The following KCNT2 variants were observed in gnomAD, a reference collection of about 807,000 sequenced individuals.
KCNT2 encodes potassium sodium-activated channel subfamily T member 2.
KCNT2 carries 67 observed loss-of-function variants against 153.8 expected under a neutral mutation model. The ratio of observed to expected loss-of-function variants is 0.44; its 90% CI spans 0.36 to 0.53. The LOEUF (loss-of-function observed/expected upper bound fraction) is 0.53, where lower values mean the gene tolerates loss of function less well. Ranked by LOEUF, KCNT2 falls within the 20% of genes least tolerant of loss-of-function variation. KCNT2 has a pLI of 0.00. For missense variants in KCNT2, 975 were observed against 1,354.8 expected, an observed-to-expected ratio of 0.72 and a Z score of 4.40; for synonymous variants, 500 against 458.8, an observed-to-expected ratio of 1.09 and a Z score of -1.15.
At chr1:196,423,564 T>G (rs187013935) in intron 11 of KCNT2, among the ~76,000 whole-genome samples, 1 of 151,760 alleles carries the variant, frequency 6.6e-6, no homozygotes, top group Non-Finnish European at 1.5e-5. Flanking sequence ...TTCATCATCT[T>G]TTTCCAAGCC....
chr1:196,434,555 ACT>A (rs1674449064), intron 8 of KCNT2, among the ~76,000 whole-genome samples: 1 of 151,988 alleles, frequency 6.6e-6, no homozygotes, highest in Non-Finnish European at 1.5e-5. Context: ...CGGGATTCTC[ACT>A]GTTTAAAGAA....
intron 1 of KCNT2, among the ~76,000 whole-genome samples, chr1:196,531,498 T>C (rs767525304): frequency 2.0e-5 from 3 of 152,088 alleles, no homozygotes; most frequent in Non-Finnish European, 4.4e-5. Context: ...CTATTATTAA[T>C]GAGAATAAAA....
chr1:196,282,270 T>TA lies in KCNT2; in HGVS notation c.2781+2dup. The TA allele has an allele frequency of 6.5e-7, 1 of 1,537,082 alleles. No individual in the cohort carries two copies. The highest frequency in any genetic ancestry group is 9.0e-7 in the Non-Finnish European group (1 of 1,111,620). ...TCTTTTATTCTAGAGATTATTAACT[T>TA]ACAGAACAAAGAAACCCAGATCCTG... On this transcript the variant is annotated splice_region_variant and intron_variant, in intron 24 of 27. Transcript: ENST00000294725.
At chr1:196,314,585 T>G (rs1662521024) in intron 21 of KCNT2, among the ~76,000 whole-genome samples, 1 of 150,590 alleles carries the variant, frequency 6.6e-6, no homozygotes, top group Non-Finnish European at 1.5e-5. Context: ...GTGTAGATTT[T>G]CCAGGTGCTA....
intron 14 of KCNT2, among the ~76,000 whole-genome samples, chr1:196,360,993 G>A (rs1667570585): frequency 6.6e-6 from 1 of 152,034 alleles, no homozygotes; most frequent in Admixed American, 6.6e-5. Context: ...ACAGAGGAAA[G>A]AAAGGGAATG....
At chr1:196,533,809 A>T (rs965980666) in intron 1 of KCNT2, among the ~76,000 whole-genome samples, 8 of 152,052 alleles carry the variant, frequency 5.3e-5, no homozygotes, top group African/African-American at 1.4e-4. Flanking sequence ...AAATAAATTT[A>T]AAAAAAATAA....
intron 8 of KCNT2, among the ~76,000 whole-genome samples, chr1:196,459,965 A>G (rs1677005490): frequency 6.6e-6 from 1 of 151,826 alleles, no homozygotes; most frequent in South Asian, 2.1e-4. Context: ...TTCTTTTCTC[A>G]AAAGCCAGTG....
chr1:196,293,156 T>C (rs149402988), intron 22 of KCNT2, among the ~76,000 whole-genome samples: 1 of 152,278 alleles, frequency 6.6e-6, no homozygotes, highest in African/African-American at 2.4e-5. Flanking sequence ...ATTGTGGTCA[T>C]AAACTGGAAG....
At chr1:196,569,911 G>C (rs574422832) in intron 1 of KCNT2, among the ~76,000 whole-genome samples, 12 of 151,930 alleles carry the variant, frequency 7.9e-5, no homozygotes, top group Non-Finnish European at 1.5e-4. Context: ...TTATGAGGTA[G>C]ATAAACAACT....
At chr1:196,453,690 G>T (rs1422075566) in intron 8 of KCNT2, among the ~76,000 whole-genome samples, 1 of 151,838 alleles carries the variant, frequency 6.6e-6, no homozygotes, top group Non-Finnish European at 1.5e-5. Flanking sequence ...TAATTCACGT[G>T]TCACCACAAA....
intron 25 of KCNT2, among the ~76,000 whole-genome samples, chr1:196,273,844 A>C (rs1231745407): frequency 6.6e-6 from 1 of 151,682 alleles, no homozygotes; most frequent in African/African-American, 2.4e-5. Flanking sequence ...AGGGTAACAC[A>C]TTCCACAAAT....
intron 18 of KCNT2, among the ~76,000 whole-genome samples, chr1:196,330,639 T>G (rs535026513): frequency 6.6e-6 from 1 of 151,972 alleles, no homozygotes; most frequent in African/African-American, 2.4e-5. Context: ...AGAATTTTTA[T>G]CTTTTGGACA....
At chr1:196,572,506 T>A (rs1033946638) in intron 1 of KCNT2, among the ~76,000 whole-genome samples, 1 of 152,022 alleles carries the variant, frequency 6.6e-6, no homozygotes, top group Admixed American at 6.6e-5. Flanking sequence ...CAGAGAAGGC[T>A]AAGGAAAAAG....
chr1:196,443,630 T>A (rs1675434241), intron 8 of KCNT2, among the ~76,000 whole-genome samples: 1 of 151,578 alleles, frequency 6.6e-6, no homozygotes, highest in Non-Finnish European at 1.5e-5. Flanking sequence ...GAAGTTGCTG[T>A]TAAATGGAAA....
In KCNT2 at chr1:196,264,144, T is replaced by G. The variant is rs561659493; in HGVS notation, c.2911-5650A>C. ...ATTTCTTAATGCTTTTCCTATTGCTTTAAGCACAGAAAAATCTTATGTTTT... is the reference window on the plus strand; with the variant it reads ...ATTTCTTAATGCTTTTCCTATTGCTGTAAGCACAGAAAAATCTTATGTTTT... On this transcript the variant is annotated intron_variant, in intron 25 of 27. Transcript: ENST00000294725. Among the ~76,000 whole-genome samples the G allele has an allele frequency of 3.3e-5, 5 of 152,322 alleles. No individual in the cohort carries two copies. The South Asian group carries it at 1.0e-3, about 32-fold the overall frequency.
chr1:196,326,928 T>C (rs763774312), intron 18 of KCNT2, 39 bp from the exon 19 acceptor site: 1 of 1,176,150 alleles, frequency 8.5e-7, no homozygotes, highest in Admixed American at 2.8e-5. Context: ...GCCATTTGGA[T>C]ACTTCATTAA....
At chr1:196,235,552 A>G (rs1336992383) in intron 27 of KCNT2, among the ~76,000 whole-genome samples, 4 of 151,350 alleles carry the variant, frequency 2.6e-5, no homozygotes, top group Non-Finnish European at 4.4e-5. Context: ...CTACCACTGT[A>G]CATGTTCAAT....
intron 20 of KCNT2, among the ~76,000 whole-genome samples, chr1:196,318,131 A>C (rs915775561): frequency 6.6e-6 from 1 of 151,614 alleles, no homozygotes; most frequent in African/African-American, 2.4e-5. Flanking sequence ...AGCACAAGAA[A>C]GTCAATCTAG....
At chr1:196,302,641 C>T (rs1389637894) in intron 22 of KCNT2, among the ~76,000 whole-genome samples, 3 of 151,862 alleles carry the variant, frequency 2.0e-5, no homozygotes, top group Admixed American at 1.3e-4. Context: ...GTCAGTGAGC[C>T]ATAAATTAGA....
Sources: gnomAD v4.1 joint callset for allele counts (sites outside exome capture counted in the v4.1 genomes callset) on GRCh38, gnomAD v4.1.1 for gene constraint, MANE v1.5 for transcripts, NCBI Gene and HGNC (gene_info 2026-07-23, HGNC 2026-07-21) for gene names.